Variants in RANBP9 observed in about 807,000 individuals in gnomAD.
RANBP9 encodes the protein ran-binding protein 9.
In RANBP9, 15 loss-of-function variants were observed where a neutral mutation model predicts 84.3. The ratio of observed to expected loss-of-function variants is 0.18; its 90% CI spans 0.12 to 0.27. The LOEUF is 0.27. Among genes scored for constraint, RANBP9 ranks in the 10% least tolerant of loss-of-function variants. The pLI, the probability that RANBP9 is intolerant of heterozygous loss-of-function variation, is 1.00. For missense variants in RANBP9, 809 were observed against 912.8 expected, an observed-to-expected ratio of 0.89 and a Z score of 1.46; for synonymous variants, 392 against 349.6, an observed-to-expected ratio of 1.12 and a Z score of -1.35.
chr6:13,644,505 A>G, intron 6 of RANBP9, 40 bp downstream of exon 6: 1 of 1,568,522 alleles, frequency 6.4e-7, no homozygotes, highest in South Asian at 1.2e-5. Flanking sequence ...TATAAAAAAC[A>G]GATTCTGAAT....
intron 13 of RANBP9, among the ~76,000 whole-genome samples, chr6:13,623,130 CTTTGTCAGACA>C (rs1764501414): frequency 6.6e-6 from 1 of 152,142 alleles, no homozygotes; most frequent in Non-Finnish European, 1.5e-5. Context: ...TCATAAGTTT[CTTTGTCAGACA>C]TTTGTAGTAC....
intron 2 of RANBP9, among the ~76,000 whole-genome samples, chr6:13,666,453 A>AAC (rs1765649142): frequency 6.6e-6 from 1 of 151,768 alleles, no homozygotes; most frequent in Non-Finnish European, 1.5e-5. Flanking sequence ...CCCAATAAAA[A>AAC]CAATTTTACA....
At chr6:13,693,005 T>C (rs375321674) in intron 2 of RANBP9, among the ~76,000 whole-genome samples, 1 of 152,226 alleles carries the variant, frequency 6.6e-6, no homozygotes, top group East Asian at 1.9e-4. Context: ...CTTAAATCTG[T>C]AGGGTCATGT....
intron 7 of RANBP9, among the ~76,000 whole-genome samples, chr6:13,642,027 T>C (rs1765077026): frequency 6.6e-6 from 1 of 152,180 alleles, no homozygotes; most frequent in Admixed American, 6.5e-5. Context: ...ACAGGACCTG[T>C]TTTATCTCTG....
intron 12 of RANBP9, 31 bp downstream of exon 12, chr6:13,632,339 T>C (rs969050197): frequency 6.3e-7 from 1 of 1,599,388 alleles, no homozygotes; most frequent in Non-Finnish European, 8.5e-7. Flanking sequence ...CTCTGACATA[T>C]TCATAATTTT....
chr6:13,639,726 A>G lies in RANBP9; in HGVS notation c.1362T>C (p.Asn454=). 1 of 1,614,010 alleles carries G rather than the reference A, an allele frequency of 6.2e-7. No individual in the cohort carries two copies. The highest frequency in any genetic ancestry group is 8.5e-7 in the Non-Finnish European group (1 of 1,179,902). Reference sequence around the variant, plus strand: ...AACATCGTACTTCACTATCTGTACCATTCACCATTTCTATAAACTGACGCA... The same window carrying G: ...AACATCGTACTTCACTATCTGTACCGTTCACCATTTCTATAAACTGACGCA... The part of the protein sequence containing the change: ...LKVRQFIEMV[N]GTDSEVRCLG... Residue 454 remains asparagine (N), a synonymous_variant, in exon 9 of 14, where the codon AAT becomes AAC. Coordinates refer to ENST00000011619, the MANE Select transcript of RANBP9 (RefSeq NM_005493.3).
intron 2 of RANBP9, among the ~76,000 whole-genome samples, chr6:13,660,582 C>T (rs1399075596): frequency 6.6e-6 from 1 of 152,178 alleles, no homozygotes; most frequent in African/African-American, 2.4e-5. Context: ...CACATTTATA[C>T]ATTTCAAGAC....
chr6:13,704,459 T>C (rs547545233), intron 1 of RANBP9, among the ~76,000 whole-genome samples: 8 of 151,614 alleles, frequency 5.3e-5, no homozygotes, highest in Admixed American at 1.3e-4. Context: ...AAAACCCCCT[T>C]CTCTACAAAA....
chr6:13,678,273 G>C (rs541063649), intron 2 of RANBP9, among the ~76,000 whole-genome samples: 1 of 152,334 alleles, frequency 6.6e-6, no homozygotes, highest in Non-Finnish European at 1.5e-5. Context: ...GAAAGCAATT[G>C]TTGAGAAAGC....
At chr6:13,689,272 CCT>C (rs1766269009) in intron 2 of RANBP9, among the ~76,000 whole-genome samples, 1 of 151,218 alleles carries the variant, frequency 6.6e-6, no homozygotes, top group African/African-American at 2.4e-5. Context: ...CACTTTTTTT[CCT>C]TTTTTTTTTT....
At chr6:13,698,209 G>A (rs1182101318) in intron 1 of RANBP9, among the ~76,000 whole-genome samples, 2 of 152,020 alleles carry the variant, frequency 1.3e-5, no homozygotes, top group Non-Finnish European at 2.9e-5. Context: ...ATGAAAACTT[G>A]GGTTATGGGC....
chr6:13,702,355 A>C (rs1038290391), intron 1 of RANBP9, among the ~76,000 whole-genome samples: 1 of 152,202 alleles, frequency 6.6e-6, no homozygotes, highest in African/African-American at 2.4e-5. Flanking sequence ...AGGGAGGAGA[A>C]TTGCTTAAAC....
intron 1 of RANBP9, among the ~76,000 whole-genome samples, chr6:13,705,811 G>A (rs187547324): frequency 6.3e-5 from 9 of 142,932 alleles, no homozygotes; most frequent in African/African-American, 1.3e-4. Flanking sequence ...TGCAGTGAGC[G>A]GAGATCGCGC....
intron 2 of RANBP9, among the ~76,000 whole-genome samples, chr6:13,678,862 A>G (rs1486335870): frequency 1.3e-5 from 2 of 152,166 alleles, no homozygotes; most frequent in African/African-American, 2.4e-5. Flanking sequence ...CACCGTATCC[A>G]ACACCTACAT....
chr6:13,704,406 T>C (rs990138857), intron 1 of RANBP9, among the ~76,000 whole-genome samples: 1 of 152,164 alleles, frequency 6.6e-6, no homozygotes, highest in Admixed American at 6.5e-5. Context: ...GGCAGGCAGA[T>C]GGCTTGAGCT....
At chr6:13,696,997 A>AT in intron 1 of RANBP9, 101 bp from the exon 2 acceptor site, 2 of 934,318 alleles carry the variant, frequency 2.1e-6, no homozygotes, top group Non-Finnish European at 3.2e-6. Flanking sequence ...GGAATGATGT[A>AT]TTATTTCTGC....
chr6:13,684,334 A>C (rs569611560), intron 2 of RANBP9, among the ~76,000 whole-genome samples: 1 of 152,312 alleles, frequency 6.6e-6, no homozygotes, highest in Admixed American at 6.5e-5. Context: ...AAACTCACTA[A>C]AAACAGCAAT....
At chr6:13,708,819 T>TTA (rs72455300) in intron 1 of RANBP9, among the ~76,000 whole-genome samples, 1 of 140,842 alleles carries the variant, frequency 7.1e-6, no homozygotes, top group East Asian at 2.1e-4. Flanking sequence ...AACGGAAAAC[T>TTA]CACACACACA....
chr6:13,628,904 G>A (rs1319118133), intron 12 of RANBP9, among the ~76,000 whole-genome samples: 2 of 152,176 alleles, frequency 1.3e-5, no homozygotes, highest in African/African-American at 4.8e-5. Context: ...CTGAAAACCA[G>A]TATAGCAACA....
Sources: allele counts gnomAD v4.1 joint callset (sites outside exome capture counted in the v4.1 genomes callset), GRCh38; gene constraint gnomAD v4.1.1; transcripts MANE v1.5; gene names NCBI Gene and HGNC (gene_info 2026-07-23, HGNC 2026-07-21).